STARD13: variants seen among roughly 807,000 people sequenced by gnomAD.
The protein encoded by STARD13 is stAR-related lipid transfer protein 13.
STARD13 carries 62 observed loss-of-function variants against 106.4 expected under a neutral mutation model. The observed-to-expected ratio is 0.58, with a 90% CI of 0.48 to 0.72. The LOEUF (loss-of-function observed/expected upper bound fraction) is 0.72. Among genes scored for constraint, STARD13 ranks in the 30% least tolerant of loss-of-function variants. The pLI is 0.00. For missense variants in STARD13, 1,387 were observed against 1,424.0 expected (o/e 0.97, Z 0.42); for synonymous variants, 565 against 553.0 (o/e 1.02, Z -0.31).
chr13:33,531,501 T>A, the STARD13 span, among the ~76,000 whole-genome samples: 4,427 of 152,236 alleles, frequency 0.029, 195 homozygotes, highest in African/African-American at 0.098. Context: ...TACTTTGCCA[T>A]GGTATGTCAA....
At chr13:33,275,455 G>A (rs1891377289) in intron 1 of STARD13, among the ~76,000 whole-genome samples, 1 of 152,124 alleles carries the variant, frequency 6.6e-6, no homozygotes, top group Admixed American at 6.5e-5. Context: ...TTTAATCCTT[G>A]CAATAACTCT....
At chr13:33,118,781 G>A (rs1054622256) in intron 7 of STARD13, among the ~76,000 whole-genome samples, 2 of 152,192 alleles carry the variant, frequency 1.3e-5, no homozygotes, top group East Asian at 1.9e-4. Flanking sequence ...TGCCCCTGCA[G>A]GGGAGAGTTT....
At chr13:33,600,743 T>TA in the STARD13 span, among the ~76,000 whole-genome samples, 1 of 152,172 alleles carries the variant, frequency 6.6e-6, no homozygotes, top group African/African-American at 2.4e-5. Context: ...ATCAGCTTTT[T>TA]AAAAAAAGTC....
At chr13:33,501,275 A>T in the STARD13 span, among the ~76,000 whole-genome samples, 8 of 151,946 alleles carry the variant, frequency 5.3e-5, no homozygotes, top group South Asian at 1.7e-3. Flanking sequence ...ATAAAAATTC[A>T]CCATTTTGGC....
the STARD13 span, among the ~76,000 whole-genome samples, chr13:33,378,354 A>T: frequency 1.3e-5 from 2 of 152,082 alleles, no homozygotes; most frequent in Non-Finnish European, 2.9e-5. Context: ...CCCTGTCCTC[A>T]TGCCCTTTCT....
At chr13:33,481,644 G>A in the STARD13 span, among the ~76,000 whole-genome samples, 2 of 151,982 alleles carry the variant, frequency 1.3e-5, no homozygotes, top group South Asian at 4.2e-4. Flanking sequence ...AGAGAAGGAG[G>A]GGTAGGTGGA....
chr13:33,460,998 C>T, the STARD13 span, among the ~76,000 whole-genome samples: 8 of 152,336 alleles, frequency 5.3e-5, no homozygotes, highest in South Asian at 1.7e-3. Flanking sequence ...AGAGCACATA[C>T]TGTTTAATTC....
chr13:33,321,713 G>A (rs115990022), intron 1 of STARD13, among the ~76,000 whole-genome samples: 329 of 152,200 alleles, frequency 2.2e-3, no homozygotes, highest in African/African-American at 7.6e-3. Flanking sequence ...ATCAAAGAAC[G>A]GGGCTTTCCT....
At chr13:33,498,192 T>C in the STARD13 span, among the ~76,000 whole-genome samples, 2 of 152,196 alleles carry the variant, frequency 1.3e-5, no homozygotes, top group Admixed American at 1.3e-4. Flanking sequence ...CTTAAGTCAA[T>C]ATGAAATAGT....
At chr13:33,641,473 G>A in the STARD13 span, among the ~76,000 whole-genome samples, 1 of 152,206 alleles carries the variant, frequency 6.6e-6, no homozygotes, top group Non-Finnish European at 1.5e-5. Flanking sequence ...CTCTGGGAAT[G>A]AGAGTTCTGG....
chr13:33,421,430 G>T, the STARD13 span, among the ~76,000 whole-genome samples: 2 of 152,146 alleles, frequency 1.3e-5, no homozygotes, highest in African/African-American at 4.8e-5. Flanking sequence ...CCAATCATAG[G>T]CTCTGAAATT....
At chr13:33,383,160 G>T in the STARD13 span, among the ~76,000 whole-genome samples, 8 of 152,050 alleles carry the variant, frequency 5.3e-5, no homozygotes, top group African/African-American at 1.4e-4. Flanking sequence ...CCCTTTCTTT[G>T]TCTCACAGAC....
At chr13:33,500,922 A>G in the STARD13 span, among the ~76,000 whole-genome samples, 8 of 151,944 alleles carry the variant, frequency 5.3e-5, no homozygotes, top group Non-Finnish European at 1.0e-4. Flanking sequence ...GGATTCTCAA[A>G]TAATGCTTCA....
chr13:33,325,983 T>TCA lies in STARD13; in HGVS notation c.124+24306_124+24307insTG, dbSNP rs60874548. On this transcript the variant is annotated intron_variant, in intron 1 of 5. Transcript: ENST00000567873. ...CTGGGCGACAGAGCGAGACTCCGTT[T>TCA]AAAAAAAAAAAAAAAAAAAAAAAGA... 9.8e-4 allele frequency among the ~76,000 whole-genome samples: 94 copies of TCA among 96,182 alleles called. 1 individual carries two copies. The highest frequency in any genetic ancestry group is 3.5e-3 in the African/African-American group (89 of 25,418). 63.1% of individuals were successfully genotyped at this position (96,182 alleles called of 152,430 possible). A position where few individuals can be genotyped will look rare whatever the true frequency, so the allele number is the denominator to read the frequency against.
At chr13:33,356,433 G>T in the STARD13 span, among the ~76,000 whole-genome samples, 1 of 152,186 alleles carries the variant, frequency 6.6e-6, no homozygotes, top group Non-Finnish European at 1.5e-5. Flanking sequence ...AGCAGTGAAA[G>T]CCCCAGTCCC....
At chr13:33,259,996 CAAAAAAAAAAAA>C (rs35410044) in intron 1 of STARD13, among the ~76,000 whole-genome samples, 1 of 102,042 alleles carries the variant, frequency 9.8e-6, no homozygotes, top group East Asian at 3.7e-4. Context: ...ATTCCATCTC[CAAAAAAAAAAAA>C]AAAAAAAAAA....
the STARD13 span, among the ~76,000 whole-genome samples, chr13:33,609,336 A>C: frequency 1.3e-5 from 2 of 152,052 alleles, no homozygotes; most frequent in Non-Finnish European, 2.9e-5. Flanking sequence ...ATATGAAAAT[A>C]TGCTCAACTT....
chr13:33,327,899 G>T (rs960595370), intron 1 of STARD13, among the ~76,000 whole-genome samples: 1 of 152,178 alleles, frequency 6.6e-6, no homozygotes, highest in Non-Finnish European at 1.5e-5. Flanking sequence ...ACAAAGAAGA[G>T]ACTTGTTTTC....
At chr13:33,105,883 C>T (rs570278939) in intron 13 of STARD13, among the ~76,000 whole-genome samples, 173 bp from the exon 14 acceptor site, 5 of 152,380 alleles carry the variant, frequency 3.3e-5, no homozygotes, top group East Asian at 3.9e-4. Flanking sequence ...GCCTTGAAAA[C>T]GTCCTGGCTG....
Sources: gnomAD v4.1 joint callset for allele counts (sites outside exome capture counted in the v4.1 genomes callset) on GRCh38, gnomAD v4.1.1 for gene constraint, MANE v1.5 for transcripts, NCBI Gene and HGNC (gene_info 2026-07-23, HGNC 2026-07-21) for gene names.